The following RNF144B variants were observed in gnomAD, a reference collection of about 807,000 sequenced individuals.
The protein encoded by RNF144B is E3 ubiquitin-protein ligase RNF144B.
Under a neutral mutation model 40.2 loss-of-function variants are expected in RNF144B, and 25 were observed. The observed-to-expected ratio is 0.62, with a 90% CI of 0.45 to 0.87. RNF144B has a LOEUF of 0.87. RNF144B is among the 40% of genes least tolerant of loss of function. The pLI, the probability that RNF144B is intolerant of heterozygous loss-of-function variation, is 0.00. For missense variants in RNF144B, 365 were observed against 373.7 expected (o/e 0.98, Z 0.19); for synonymous variants, 145 against 136.3 (o/e 1.06, Z -0.44).
intron 4 of RNF144B, among the ~76,000 whole-genome samples, chr6:18,449,428 A>G (rs536233667): frequency 4.6e-4 from 70 of 152,336 alleles, no homozygotes; most frequent in African/African-American, 1.7e-3. Context: ...AAAAATTATA[A>G]AGGTTTTAAC....
chr6:18,438,799 A>T (rs888017180), intron 3 of RNF144B, among the ~76,000 whole-genome samples: 19 of 152,110 alleles, frequency 1.2e-4, no homozygotes, highest in Admixed American at 2.0e-4. Flanking sequence ...TCCTGTATGA[A>T]CTTACTGGAT....
Position 18,446,745 on chromosome 6 carries a change from G to C in RNF144B, c.331+7001G>C, listed in dbSNP as rs1468927588. Among the ~76,000 whole-genome samples the C allele has an allele frequency of 2.0e-5, 3 of 152,062 alleles. No homozygotes were observed. The East Asian group carries it at 5.8e-4, about 29-fold the overall frequency. On this transcript the variant is annotated intron_variant, in intron 4 of 7. Transcript: ENST00000259939. This position sits in a 1 kb window ranked among gnomAD's most constrained non-coding sequence, Gnocchi z 4.7. ...AAGACATTTTTGATCGTCACGACTT[G>C]GGTAGGAAGCTACTGGCAGCTAGTG...
intron 2 of RNF144B, among the ~76,000 whole-genome samples, chr6:18,403,858 T>C (rs1452709456): frequency 6.6e-6 from 1 of 152,132 alleles, no homozygotes; most frequent in Non-Finnish European, 1.5e-5. Context: ...AAAGGGAAAG[T>C]GGACATGTGA....
rs1361251189 is a variant in RNF144B at position 18,418,398 on chromosome 6, A to G, written c.166-9183A>G. 6.6e-6 allele frequency among the ~76,000 whole-genome samples: 1 copy of G among 152,234 alleles called. No individual in the cohort carries two copies. Among genetic ancestry groups the G allele is most frequent in the Non-Finnish European group, 1.5e-5 (1 of 68,038 alleles). On this transcript the variant is annotated intron_variant, in intron 2 of 7. Coordinates refer to ENST00000259939, the MANE Select transcript of RNF144B (RefSeq NM_182757.4). The surrounding 1 kb of genome is among the most constrained non-coding windows in gnomAD (Gnocchi z 5.2). The stretch of plus-strand genomic sequence containing the variant: ...GGCATACTATTCAGCAATAAAATAA[A>G]TGAAGTACCAATACATGCTACAACA...
In RNF144B at chr6:18,456,596, C is replaced by A. The variant is rs917576968; in HGVS notation, c.332-559C>A. Among the ~76,000 whole-genome samples the A allele has an allele frequency of 6.6e-6, 1 of 152,170 alleles. No individual in the cohort carries two copies. The highest frequency in any genetic ancestry group is 1.5e-5 in the Non-Finnish European group (1 of 68,018). On this transcript the variant is annotated intron_variant, in intron 4 of 7. Coordinates refer to ENST00000259939, the MANE Select transcript of RNF144B (RefSeq NM_182757.4). This position sits in a 1 kb window ranked among gnomAD's most constrained non-coding sequence, Gnocchi z 4.7. ...TTGTGAATTTTGTTTACAGAGAACA[C>A]TTTTTATCTGTTCATAAAGGCAATG... is the stretch of plus-strand genomic sequence containing the variant.
chr6:18,421,824 G>A (rs1384514737), intron 2 of RNF144B, among the ~76,000 whole-genome samples: 1 of 152,186 alleles, frequency 6.6e-6, no homozygotes, highest in East Asian at 1.9e-4. Flanking sequence ...CACACTAGGG[G>A]ATGAGGCAGG....
rs1241557235 is a variant in RNF144B, at chr6:18,459,011, T to G, written c.537-596T>G. On this transcript the variant is annotated intron_variant, in intron 5 of 7. Transcript: ENST00000259939. This position sits in a 1 kb window ranked among gnomAD's most constrained non-coding sequence, Gnocchi z 4.2. The stretch of plus-strand genomic sequence containing the variant: ...AGTCTGATAATAGATTTGACAACAC[T>G]CTGTGAGTTGGATATCTCTGTGTGC... Among the ~76,000 whole-genome samples, 1 of 152,194 alleles carries G rather than the reference T, an allele frequency of 6.6e-6. No homozygotes were observed. The highest frequency in any genetic ancestry group is 1.9e-4 in the East Asian group (1 of 5,192).
At chr6:18,388,545 C>T (rs1489173895) in intron 1 of RNF144B, among the ~76,000 whole-genome samples, 4 of 152,148 alleles carry the variant, frequency 2.6e-5, no homozygotes, top group Admixed American at 6.5e-5. Flanking sequence ...ATCTGTCTGC[C>T]GCAGCTTTCA....
chr6:18,393,119 CAAAAAAA>C (rs10711336), intron 1 of RNF144B, among the ~76,000 whole-genome samples: 4 of 111,436 alleles, frequency 3.6e-5, no homozygotes, highest in South Asian at 2.8e-4. Context: ...GACTCCATCT[CAAAAAAA>C]AAAAAAAAAA....
chr6:18,427,491 T>A (rs971356554), intron 2 of RNF144B, 90 bp from the exon 3 acceptor site: 50 of 789,596 alleles, frequency 6.3e-5, no homozygotes, highest in Non-Finnish European at 1.0e-4. Flanking sequence ...GACAGCCAAT[T>A]AAGGAAGAAG....
chr6:18,388,164 A>T (rs552925483), intron 1 of RNF144B, among the ~76,000 whole-genome samples: 2 of 152,296 alleles, frequency 1.3e-5, no homozygotes, highest in African/African-American at 4.8e-5. Flanking sequence ...CCTCATGCAT[A>T]TACACTATTC....
chr6:18,444,158 T>C lies in RNF144B; in HGVS notation c.331+4414T>C, dbSNP rs10949515. On this transcript the variant is annotated intron_variant, in intron 4 of 7. Transcript: ENST00000259939. This position sits in a 1 kb window ranked among gnomAD's most constrained non-coding sequence, Gnocchi z 4.3. ...TTATGTCTTTAAGTCTGACGGAAAA[T>C]ATTTTGAATAGGATTGCACAAAAAT... 0.12 allele frequency among the ~76,000 whole-genome samples: 19,005 copies of C among 152,210 alleles called. 1,362 individuals are homozygous for C. The highest frequency in any genetic ancestry group is 0.19 in the Admixed American group (2,956 of 15,282).
chr6:18,402,503 T>A lies in RNF144B; in HGVS notation c.165+2804T>A, dbSNP rs182329382. Among the ~76,000 whole-genome samples, 17 of 88,186 alleles carry A rather than the reference T, an allele frequency of 1.9e-4. 7 individuals carry two copies. The East Asian group carries it at 3.7e-3, about 19-fold the overall frequency. The allele number at this position is 88,186 out of a possible 152,430, so 57.9% of individuals were successfully genotyped here. A position where few individuals can be genotyped will look rare whatever the true frequency, so the allele number is the denominator to read the frequency against. ...TGAAATGTTCCATGGTCAAATTAGC[T>A]TGGGAACTGCAATGTTCTTCTGTTC... is the stretch of plus-strand genomic sequence containing the variant. On this transcript the variant is annotated intron_variant, in intron 2 of 7. Transcript: ENST00000259939.
intron 1 of RNF144B, among the ~76,000 whole-genome samples, chr6:18,388,582 A>G (rs1020188745): frequency 1.3e-5 from 2 of 152,152 alleles, no homozygotes; most frequent in African/African-American, 2.4e-5. Context: ...GGTCCCTTTC[A>G]CATCAAATCC....
rs540870847 is a variant in RNF144B at position 18,427,487 on chromosome 6, C to T, written c.166-94C>T. On this transcript the variant is annotated intron_variant, in intron 2 of 7. Transcript: ENST00000259939. ...TTGAGTACAAGAGCCTCAGGACAGC[C>T]AATTAAGGAAGAAGACACAGTGGTG... 4.0e-6 allele frequency: 3 copies of T among 749,780 alleles called. No homozygotes were observed. The East Asian group carries it at 8.1e-5, about 20-fold the overall frequency. The allele number at this position is 749,780 out of a possible 1,614,324, so 46.4% of individuals were successfully genotyped here.
chr6:18,394,613 GAA>G (rs67659754), intron 1 of RNF144B, among the ~76,000 whole-genome samples: 162 of 132,530 alleles, frequency 1.2e-3, no homozygotes, highest in Middle Eastern at 3.9e-3. Context: ...CCCCAACCAA[GAA>G]AAAAAAAAAA....
intron 2 of RNF144B, among the ~76,000 whole-genome samples, chr6:18,421,271 TATACACACACAC>T (rs1433644294): frequency 2.6e-4 from 34 of 131,008 alleles, no homozygotes; most frequent in South Asian, 1.7e-3. Context: ...AATTATATAT[TATACACACACAC>T]ACACACACAC....
Position 18,443,924 on chromosome 6 carries a change from G to A in RNF144B, c.331+4180G>A, listed in dbSNP as rs1759020113. ...TAACCAACTGAAAGAAAATCTCATTGGCTGGACTGTGAGACAGAATTGTAG... is the reference window on the plus strand; with the variant it reads ...TAACCAACTGAAAGAAAATCTCATTAGCTGGACTGTGAGACAGAATTGTAG... On this transcript the variant is annotated intron_variant, in intron 4 of 7. Transcript: ENST00000259939. This position sits in a 1 kb window ranked among gnomAD's most constrained non-coding sequence, Gnocchi z 4.7. Among the ~76,000 whole-genome samples the A allele has an allele frequency of 1.3e-5, 2 of 152,132 alleles. No individual in the cohort carries two copies. Among genetic ancestry groups the A allele is most frequent in the South Asian group, 4.1e-4 (2 of 4,824 alleles).
chr6:18,454,735 A>C (rs1044389808), intron 4 of RNF144B, among the ~76,000 whole-genome samples: 1 of 152,170 alleles, frequency 6.6e-6, no homozygotes, highest in Non-Finnish European at 1.5e-5. Flanking sequence ...AAAACCTATA[A>C]TTTCTCCTTT....
Sources: gnomAD v4.1 joint callset for allele counts (sites outside exome capture counted in the v4.1 genomes callset) on GRCh38, gnomAD v4.1.1 for gene constraint, Gnocchi (gnomAD v3.1) non-coding constraint, MANE v1.5 for transcripts, NCBI Gene and HGNC (gene_info 2026-07-23, HGNC 2026-07-21) for gene names.